The following RBFOX1 variants were observed in gnomAD, a reference collection of about 807,000 sequenced individuals.
RBFOX1 encodes RNA binding protein fox-1 homolog 1.
In RBFOX1, 8 loss-of-function variants were observed where a neutral mutation model predicts 57.7. The observed-to-expected ratio is 0.14, with a 90% confidence interval of 0.08 to 0.25. The LOEUF (loss-of-function observed/expected upper bound fraction) is 0.25. RBFOX1 is among the 10% of genes least tolerant of loss of function. The pLI is 1.00. For synonymous variants in RBFOX1, 326 were observed against 222.4 expected (o/e 1.47, Z -4.15); for missense variants, 611 against 548.5 (o/e 1.11, Z -1.14).
At chr16:6,662,758 C>G (rs944176368) in intron 3 of RBFOX1, among the ~76,000 whole-genome samples, 2 of 152,216 alleles carry the variant, frequency 1.3e-5, no homozygotes, top group Non-Finnish European at 2.9e-5. Context: ...CTGGCTATAA[C>G]CGAATGACAG....
chr16:6,817,039 T>C (rs1328440409), intron 3 of RBFOX1, among the ~76,000 whole-genome samples: 1 of 152,164 alleles, frequency 6.6e-6, no homozygotes, highest in Admixed American at 6.5e-5. Context: ...CGAGTCACCA[T>C]GCTCAGCCTC....
At chr16:7,203,210 C>A (rs974868403) in intron 4 of RBFOX1, among the ~76,000 whole-genome samples, 3 of 152,126 alleles carry the variant, frequency 2.0e-5, no homozygotes, top group African/African-American at 7.2e-5. Context: ...ATTATTCAAC[C>A]TTAGAAGGGA....
intron 5 of RBFOX1, among the ~76,000 whole-genome samples, chr16:7,559,380 C>T (rs1270965533): frequency 6.6e-6 from 1 of 152,158 alleles, no homozygotes; most frequent in African/African-American, 2.4e-5. Flanking sequence ...CTCATAGAAA[C>T]TAGGGCACAT....
chr16:6,830,351 A>G (rs2092618175), intron 3 of RBFOX1, among the ~76,000 whole-genome samples: 1 of 152,246 alleles, frequency 6.6e-6, no homozygotes, highest in African/African-American at 2.4e-5. Context: ...GTTTCATAAG[A>G]AAATATTCCA....
At chr16:5,758,918 T>A (rs1440584878) in intron 3 of RBFOX1, among the ~76,000 whole-genome samples, 3 of 151,992 alleles carry the variant, frequency 2.0e-5, no homozygotes, top group Non-Finnish European at 4.4e-5. Context: ...TTACCTCTTG[T>A]GTATATGCGA....
intron 4 of RBFOX1, among the ~76,000 whole-genome samples, chr16:7,227,129 G>A (rs192332145): frequency 2.9e-4 from 44 of 152,230 alleles, no homozygotes; most frequent in African/African-American, 1.1e-3. Flanking sequence ...ATTTGAGTTT[G>A]AAAATCCTGG....
At chr16:7,388,495 C>T (rs940968970) in intron 4 of RBFOX1, among the ~76,000 whole-genome samples, 2 of 151,980 alleles carry the variant, frequency 1.3e-5, no homozygotes, top group African/African-American at 2.4e-5. Flanking sequence ...TCTCTCTGCC[C>T]GGGATAACTT....
At chr16:6,224,228 T>TC (rs2097399282) in intron 1 of RBFOX1, among the ~76,000 whole-genome samples, 3 of 151,756 alleles carry the variant, frequency 2.0e-5, no homozygotes, top group Admixed American at 2.0e-4. Context: ...GTTATTTTTT[T>TC]CCAATTCTGT....
At chr16:6,514,260 C>T (rs1053237253) in intron 2 of RBFOX1, among the ~76,000 whole-genome samples, 1 of 152,162 alleles carries the variant, frequency 6.6e-6, no homozygotes, top group Non-Finnish European at 1.5e-5. Context: ...CACACACGTA[C>T]ACGGGCAATC....
At chr16:7,408,709 A>T (rs2098387109) in intron 4 of RBFOX1, among the ~76,000 whole-genome samples, 1 of 152,332 alleles carries the variant, frequency 6.6e-6, no homozygotes, top group South Asian at 2.1e-4. Flanking sequence ...TTATAGGTAG[A>T]CATCCCATGC....
At chr16:6,803,116 C>G (rs186071208) in intron 3 of RBFOX1, among the ~76,000 whole-genome samples, 3 of 152,056 alleles carry the variant, frequency 2.0e-5, no homozygotes, top group East Asian at 3.9e-4. Context: ...CTCAAAACCT[C>G]TGAGCTAGAC....
chr16:6,256,143 GTA>G (rs60580030), intron 1 of RBFOX1, among the ~76,000 whole-genome samples: 10,405 of 30,750 alleles, frequency 0.34, 3,018 homozygotes, highest in Non-Finnish European at 0.49. Context: ...ATATATGTGT[GTA>G]TATATATATA....
chr16:7,091,681 C>G (rs376354836), intron 4 of RBFOX1, among the ~76,000 whole-genome samples: 1 of 152,190 alleles, frequency 6.6e-6, no homozygotes, highest in Non-Finnish European at 1.5e-5. Flanking sequence ...AAGTAGCTGC[C>G]TGTGGCTTAT....
intron 1 of RBFOX1, among the ~76,000 whole-genome samples, chr16:6,173,791 G>A (rs930429973): frequency 2.2e-4 from 33 of 152,038 alleles, no homozygotes; most frequent in African/African-American, 7.5e-4. Flanking sequence ...TATATTTTCA[G>A]TAGAGATGGG....
At chr16:6,933,296 A>T (rs549533286) in intron 3 of RBFOX1, among the ~76,000 whole-genome samples, 7 of 152,258 alleles carry the variant, frequency 4.6e-5, no homozygotes, top group African/African-American at 1.4e-4. Context: ...TTATTTATTT[A>T]TTTTTTAGTA....
chr16:7,679,672 C>G (rs1313022560), intron 14 of RBFOX1, among the ~76,000 whole-genome samples: 1 of 151,998 alleles, frequency 6.6e-6, no homozygotes, highest in East Asian at 1.9e-4. Context: ...AAATATTGAA[C>G]TCCAGTAACC....
intron 3 of RBFOX1, among the ~76,000 whole-genome samples, chr16:6,974,845 C>G (rs754659445): frequency 2.2e-4 from 33 of 152,146 alleles, no homozygotes; most frequent in Non-Finnish European, 3.5e-4. Context: ...TTCCATTTTA[C>G]TCGCATTCAG....
chr16:5,847,789 C>T (rs971315606), intron 3 of RBFOX1, among the ~76,000 whole-genome samples: 1 of 152,010 alleles, frequency 6.6e-6, no homozygotes, highest in South Asian at 2.1e-4. Flanking sequence ...CTCTTAGGGT[C>T]GTCATGGAAG....
chr16:6,871,770 A>G (rs779288754), intron 3 of RBFOX1, among the ~76,000 whole-genome samples: 22 of 152,018 alleles, frequency 1.4e-4, no homozygotes, highest in Non-Finnish European at 2.9e-4. Flanking sequence ...TTTCTACTCT[A>G]CCTTCCGCTG....
Sources: allele counts gnomAD v4.1 joint callset (sites outside exome capture counted in the v4.1 genomes callset), GRCh38; gene constraint gnomAD v4.1.1; transcripts MANE v1.5; gene names NCBI Gene and HGNC (gene_info 2026-07-23, HGNC 2026-07-21).